Variants in LHFPL3 observed in about 807,000 individuals in gnomAD.
LHFPL3 encodes LHFPL tetraspan subfamily member 3, also known as LHFPL tetraspan subfamily member 3 protein.
In LHFPL3, 5 loss-of-function variants were observed where a neutral mutation model predicts 19.3. The ratio of observed to expected loss-of-function variants is 0.26; its 90% CI spans 0.14 to 0.54. The LOEUF is 0.54. LHFPL3 is among the 20% of genes least tolerant of loss of function. LHFPL3 has a pLI of 0.94. For missense variants in LHFPL3, 249 were observed against 307.4 expected (o/e 0.81, Z 1.42); for synonymous variants, 133 against 126.2 (o/e 1.05, Z -0.36).
At chr7:104,603,242 C>G (rs1348371126) in intron 1 of LHFPL3, among the ~76,000 whole-genome samples, 2 of 151,074 alleles carry the variant, frequency 1.3e-5, no homozygotes, top group Non-Finnish European at 2.9e-5. Context: ...GTTGCCCCAG[C>G]TGGAGTACAG....
rs536439142 is a variant in LHFPL3 at position 104,458,309 on chromosome 7, G to A, written c.445+129085G>A. Among the ~76,000 whole-genome samples, 3 of 152,304 alleles carry A rather than the reference G, an allele frequency of 2.0e-5. No individual in the cohort carries two copies. In the East Asian group the frequency reaches 5.8e-4, roughly 29 times the overall value. On this transcript the variant is annotated intron_variant, in intron 1 of 2. Coordinates refer to ENST00000424859, the MANE Select transcript of LHFPL3 (RefSeq NM_199000.3). The stretch of plus-strand genomic sequence containing the variant: ...ATTTTTGTACAAGGTGTAAGGAAGG[G>A]ATCCAGTTTCAGCTTTCTACATGTG...
In LHFPL3 at chr7:104,736,730, A is replaced by G. The variant is rs774900131; in HGVS notation, c.501A>G (p.Glu167=). 6.2e-7 allele frequency: 1 copy of G among 1,613,628 alleles called. No homozygotes were observed. Among genetic ancestry groups the G allele is most frequent in the East Asian group, 2.2e-5 (1 of 44,878 alleles). ...MIFPDGWDSD[E]VKRMCGEKTD... Reference sequence around the variant, plus strand: ...TCCCTGATGGCTGGGACTCAGATGAAGTAAAACGGATGTGTGGAGAAAAGA... The same window carrying G: ...TCCCTGATGGCTGGGACTCAGATGAGGTAAAACGGATGTGTGGAGAAAAGA... Residue 167 remains glutamate (E), a synonymous_variant, in exon 2 of 3, where the codon GAA becomes GAG. Coordinates refer to ENST00000424859, the MANE Select transcript of LHFPL3 (RefSeq NM_199000.3).
At chr7:104,423,566 T>C (rs1002310293) in intron 1 of LHFPL3, among the ~76,000 whole-genome samples, 2 of 152,154 alleles carry the variant, frequency 1.3e-5, no homozygotes, top group African/African-American at 4.8e-5. Flanking sequence ...TCACTTGAGG[T>C]GGGAGGATCA....
At chr7:104,710,416 A>G (rs1267877942) in intron 1 of LHFPL3, among the ~76,000 whole-genome samples, 1 of 152,136 alleles carries the variant, frequency 6.6e-6, no homozygotes, top group Non-Finnish European at 1.5e-5. Context: ...TTTGTTTCAG[A>G]TCATGTATAT....
intron 1 of LHFPL3, among the ~76,000 whole-genome samples, chr7:104,338,662 CT>C (rs919889017): frequency 2.7e-4 from 41 of 152,172 alleles, no homozygotes; most frequent in African/African-American, 9.9e-4. Context: ...CAATTTGAGA[CT>C]TTTTTCCTTT....
intron 2 of LHFPL3, among the ~76,000 whole-genome samples, chr7:104,744,581 C>T (rs1254585540): frequency 1.3e-5 from 2 of 152,208 alleles, no homozygotes; most frequent in Non-Finnish European, 2.9e-5. Context: ...ATTCATGCTG[C>T]TTCTAATTCC....
At chr7:104,848,119 A>G (rs1375001220) in intron 2 of LHFPL3, among the ~76,000 whole-genome samples, 1 of 152,224 alleles carries the variant, frequency 6.6e-6, no homozygotes, top group East Asian at 1.9e-4. Context: ...ATAGAATTTC[A>G]GCTCCAGAAT....
intron 1 of LHFPL3, among the ~76,000 whole-genome samples, chr7:104,676,349 A>G (rs921201831): frequency 3.9e-5 from 6 of 152,258 alleles, no homozygotes; most frequent in Admixed American, 3.9e-4. Context: ...GCCTATACAT[A>G]TGAACAAGTA....
intron 2 of LHFPL3, among the ~76,000 whole-genome samples, chr7:104,860,130 C>G (rs916048013): frequency 2.0e-5 from 3 of 151,750 alleles, no homozygotes; most frequent in Non-Finnish European, 4.4e-5. Context: ...AATTTCACTT[C>G]TAATCCTTCT....
rs576361185 is a variant in LHFPL3, at chr7:104,521,829, A to G, written c.445+192605A>G. ...CATCAGAGAAATGCAAATCAAAACCACAATGAGATACCATCTCACACTAGT... is the reference window on the plus strand; with the variant it reads ...CATCAGAGAAATGCAAATCAAAACCGCAATGAGATACCATCTCACACTAGT... On this transcript the variant is annotated intron_variant, in intron 1 of 2. Transcript: ENST00000424859. Among the ~76,000 whole-genome samples, 36 of 152,294 alleles carry G rather than the reference A, an allele frequency of 2.4e-4. No individual in the cohort carries two copies. In the South Asian group the frequency reaches 7.2e-3, roughly 31 times the overall value.
chr7:104,577,295 C>T (rs1006735001), intron 1 of LHFPL3, among the ~76,000 whole-genome samples: 6 of 152,036 alleles, frequency 3.9e-5, no homozygotes, highest in South Asian at 2.1e-4. Context: ...GCAATAGGGG[C>T]GTGTGGAGAA....
chr7:104,641,046 C>G (rs1371279132), intron 1 of LHFPL3, among the ~76,000 whole-genome samples: 2 of 152,182 alleles, frequency 1.3e-5, no homozygotes, highest in Non-Finnish European at 2.9e-5. Flanking sequence ...GTGAACATAT[C>G]TGTGGTGAGG....
intron 1 of LHFPL3, among the ~76,000 whole-genome samples, chr7:104,416,624 A>G (rs1188991365): frequency 6.6e-6 from 1 of 152,244 alleles, no homozygotes; most frequent in African/African-American, 2.4e-5. Flanking sequence ...AAAAACTGAT[A>G]AAGAATGGAA....
At chr7:104,806,449 CT>C in intron 2 of LHFPL3, among the ~76,000 whole-genome samples, 1 of 152,258 alleles carries the variant, frequency 6.6e-6, no homozygotes, top group Middle Eastern at 3.4e-3. Flanking sequence ...CCAAAGTTGT[CT>C]TCATTACAAA....
chr7:104,769,219 G>C (rs1269619116), intron 2 of LHFPL3, among the ~76,000 whole-genome samples: 2 of 152,342 alleles, frequency 1.3e-5, no homozygotes, highest in East Asian at 3.9e-4. Flanking sequence ...ATGAGCAGCT[G>C]TTCTTACTGT....
At position 104,907,580 on chromosome 7, in the gene LHFPL3, T is replaced by C. The variant is rs1446501310; in HGVS notation, c.*1365T>C. Among the ~76,000 whole-genome samples, 1 of 152,186 alleles carries C rather than the reference T, an allele frequency of 6.6e-6. No individual in the cohort carries two copies. Among genetic ancestry groups the C allele is most frequent in the African/African-American group, 2.4e-5 (1 of 41,444 alleles). On this transcript the variant is annotated 3_prime_UTR_variant, in exon 3 of 3. Transcript: ENST00000424859. Reference sequence around the variant, plus strand: ...ATTGAAATAGCCCATTGCCTGAGAATGAACACAAGCTAAAATACATGCAAG... The same window carrying C: ...ATTGAAATAGCCCATTGCCTGAGAACGAACACAAGCTAAAATACATGCAAG...
intron 1 of LHFPL3, among the ~76,000 whole-genome samples, chr7:104,392,264 A>G (rs1374360316): frequency 2.6e-5 from 4 of 151,802 alleles, no homozygotes; most frequent in African/African-American, 9.7e-5. Flanking sequence ...GTCTTGTGCC[A>G]GTTTTCAAAG....
At chr7:104,775,823 T>G (rs1794627356) in intron 2 of LHFPL3, among the ~76,000 whole-genome samples, 2 of 150,496 alleles carry the variant, frequency 1.3e-5, no homozygotes, top group Non-Finnish European at 3.0e-5. Flanking sequence ...AGGTTTCTTC[T>G]TCTAGGTTCC....
rs1284299090 is a variant in LHFPL3, at chr7:104,560,835, C to T, written c.446-175840C>T. Among the ~76,000 whole-genome samples, 3 of 150,116 alleles carry T rather than the reference C, an allele frequency of 2.0e-5. No individual in the cohort carries two copies. The East Asian group carries it at 5.8e-4, about 29-fold the overall frequency. On this transcript the variant is annotated intron_variant, in intron 1 of 2. Transcript: ENST00000424859. ...TGGGCATTTAGTGCTATAAATTTCC[C>T]TCTACACATTGCTTTGAATGCGTCC...
Sources: gnomAD v4.1 joint callset for allele counts (sites outside exome capture counted in the v4.1 genomes callset) on GRCh38, gnomAD v4.1.1 for gene constraint, MANE v1.5 for transcripts, NCBI Gene and HGNC (gene_info 2026-07-23, HGNC 2026-07-21) for gene names.